NRIP3: variants seen among roughly 807,000 people sequenced by gnomAD.
NRIP3 encodes nuclear receptor-interacting protein 3.
A neutral mutation model predicts 29.0 loss-of-function variants in NRIP3; 31 were observed. That is an observed-to-expected ratio of 1.07 (90% confidence interval 0.80 to 1.44). The LOEUF is 1.44. Among genes scored for constraint, NRIP3 ranks in the 40% most tolerant of loss-of-function variants. NRIP3 has a pLI of 0.00. For missense variants in NRIP3, 314 were observed against 297.9 expected (o/e 1.05, Z -0.40); for synonymous variants, 131 against 118.3 (o/e 1.11, Z -0.70).
At chr11:8,993,483 G>A (rs1854645044) in intron 1 of NRIP3, among the ~76,000 whole-genome samples, 2 of 152,036 alleles carry the variant, frequency 1.3e-5, no homozygotes, top group African/African-American at 2.4e-5. Flanking sequence ...ATGATGGGAA[G>A]GTGTAAGAGA....
chr11:9,003,642 G>A (rs1283520219), intron 1 of NRIP3, 120 bp downstream of exon 1: 3 of 1,030,196 alleles, frequency 2.9e-6, no homozygotes, highest in Non-Finnish European at 3.9e-6. Flanking sequence ...CGCAGCGACC[G>A]CGAGCCAAGG....
intron 4 of NRIP3, among the ~76,000 whole-genome samples, chr11:8,985,164 ATTTTT>A (rs35528175): frequency 2.5e-5 from 2 of 79,380 alleles, no homozygotes; most frequent in African/African-American, 5.0e-5. Context: ...TGCTCCTTGA[ATTTTT>A]TTTTTTTTTT....
chr11:9,004,044 C>A (rs1455707560), upstream of NRIP3: 1 of 1,138,174 alleles, frequency 8.8e-7, no homozygotes, highest in African/African-American at 1.6e-5. Context: ...CCGAGCGTGA[C>A]GTCGCGGGGA....
chr11:8,998,211 G>A (rs757590775), intron 1 of NRIP3, among the ~76,000 whole-genome samples: 40 of 152,074 alleles, frequency 2.6e-4, no homozygotes, highest in Non-Finnish European at 4.3e-4. Context: ...TATATAACAC[G>A]TGACCCATTC....
rs5789590 is a variant in NRIP3, at chr11:8,992,911, C to CAAA, written c.175-4632_175-4630dup. On this transcript the variant is annotated intron_variant, in intron 1 of 6. Coordinates refer to ENST00000309166, the MANE Select transcript of NRIP3 (RefSeq NM_020645.3). ...TGGGTGACACAGCGAGACTCCGTCT[C>CAAA]AAAAAAAAAAAAAATTTGATAGTAC... is the stretch of plus-strand genomic sequence containing the variant. Among the ~76,000 whole-genome samples the CAAA allele has an allele frequency of 3.3e-3, 451 of 138,292 alleles. 1 individual carries two copies. The highest frequency in any genetic ancestry group is 0.011 in the African/African-American group (427 of 37,814). The allele number at this position is 138,292 out of a possible 152,430, so 90.7% of individuals were successfully genotyped here. A position where few individuals can be genotyped will look rare whatever the true frequency, so the allele number is the denominator to read the frequency against.
intron 2 of NRIP3, 46 bp from the exon 3 acceptor site, chr11:8,987,676 A>C: frequency 6.9e-7 from 1 of 1,442,318 alleles, no homozygotes; most frequent in East Asian, 2.3e-5. Context: ...GAGAAGCGAA[A>C]GGGAAAGGAG....
rs953459749 is a variant in NRIP3 at position 9,003,955 on chromosome 11, C to G, written c.-20G>C. ...AAACATCGCTGAGGCGCCGGCGGCCCGGTAGCCCACAGCCCCCCGGCAGCC... is the reference window on the plus strand; with the variant it reads ...AAACATCGCTGAGGCGCCGGCGGCCGGGTAGCCCACAGCCCCCCGGCAGCC... On this transcript the variant is annotated 5_prime_UTR_variant, in exon 1 of 7. Coordinates refer to ENST00000309166, the MANE Select transcript of NRIP3 (RefSeq NM_020645.3). The G allele has an allele frequency of 3.0e-5, 45 of 1,477,636 alleles. No homozygotes were observed. The highest frequency in any genetic ancestry group is 1.9e-4 in the South Asian group (15 of 78,098). The allele number at this position is 1,477,636 out of a possible 1,614,324, so 91.5% of individuals were successfully genotyped here.
At chr11:8,998,643 T>TG (rs1854747775) in intron 1 of NRIP3, among the ~76,000 whole-genome samples, 1 of 152,180 alleles carries the variant, frequency 6.6e-6, no homozygotes, top group Non-Finnish European at 1.5e-5. Flanking sequence ...TGGACTCCTC[T>TG]GGCACATCTG....
intron 1 of NRIP3, among the ~76,000 whole-genome samples, chr11:8,989,198 C>A (rs1176142739): frequency 6.6e-6 from 1 of 152,192 alleles, no homozygotes; most frequent in Non-Finnish European, 1.5e-5. Flanking sequence ...AATCATGCTC[C>A]ACTGTTTCTA....
chr11:8,985,584 G>T, intron 4 of NRIP3, 127 bp downstream of exon 4: 1 of 1,219,812 alleles, frequency 8.2e-7, no homozygotes, highest in Non-Finnish European at 1.1e-6. Context: ...AAGGTCTACA[G>T]TACAAAAAAA....
At chr11:8,991,030 G>A (rs146256283) in intron 1 of NRIP3, among the ~76,000 whole-genome samples, 3,369 of 152,108 alleles carry the variant, frequency 0.022, 128 homozygotes, top group African/African-American at 0.078. Context: ...GTCCAGGTGC[G>A]GTGGCTCACA....
intron 1 of NRIP3, among the ~76,000 whole-genome samples, chr11:8,989,431 CTT>C (rs553217872): frequency 2.1e-4 from 32 of 152,312 alleles, no homozygotes; most frequent in African/African-American, 6.7e-4. Context: ...GGAAGTCACT[CTT>C]AGAAGCCCAG....
At chr11:8,997,355 C>CA (rs11324721) in intron 1 of NRIP3, among the ~76,000 whole-genome samples, 23,170 of 100,576 alleles carry the variant, frequency 0.23, 2,900 homozygotes, top group East Asian at 0.37. Flanking sequence ...GACTCCGTCT[C>CA]AAAAAAAAAA....
chr11:8,984,954 C>T (rs1854487711), intron 4 of NRIP3, among the ~76,000 whole-genome samples: 1 of 151,522 alleles, frequency 6.6e-6, no homozygotes, highest in African/African-American at 2.4e-5. Context: ...CGGGTCCAAG[C>T]GATTCTCCTA....
In NRIP3 at chr11:9,001,095, T is replaced by TCA. The variant is rs554872845; in HGVS notation, c.174+2665_174+2666dup. Among the ~76,000 whole-genome samples, 316 of 152,198 alleles carry TCA rather than the reference T, an allele frequency of 2.1e-3. 3 individuals carry two copies. The highest frequency in any genetic ancestry group is 7.2e-3 in the African/African-American group (297 of 41,520). ...AAAAAAAAATCAAATATAATATTAC[T>TCA]CACTCATATCTCTGGTTTTAGTTCT... On this transcript the variant is annotated intron_variant, in intron 1 of 6. Transcript: ENST00000309166.
At chr11:8,995,015 A>T (rs1242336832) in intron 1 of NRIP3, among the ~76,000 whole-genome samples, 1 of 151,168 alleles carries the variant, frequency 6.6e-6, no homozygotes, top group Admixed American at 6.6e-5. Context: ...TATCCCACTG[A>T]TATTTTCTAT....
At chr11:8,984,251 ATTTTT>A (rs1239093121) in intron 4 of NRIP3, 127 bp from the exon 5 acceptor site, 6 of 358,372 alleles carry the variant, frequency 1.7e-5, no homozygotes, top group Middle Eastern at 1.8e-3. Context: ...AGCATGTGTT[ATTTTT>A]TTTTTATTTT....
intron 1 of NRIP3, among the ~76,000 whole-genome samples, chr11:9,000,007 C>T (rs1488370189): frequency 6.6e-6 from 1 of 152,118 alleles, no homozygotes; most frequent in Admixed American, 6.5e-5. Flanking sequence ...ATGAAAGTTC[C>T]GTCAAGGCAG....
chr11:8,998,201 T>A lies in NRIP3; in HGVS notation c.174+5561A>T, dbSNP rs1854740553. Among the ~76,000 whole-genome samples, 4 of 152,160 alleles carry A rather than the reference T, an allele frequency of 2.6e-5. No individual in the cohort carries two copies. In the South Asian group the frequency reaches 8.3e-4, roughly 32 times the overall value. ...GCCTTCTCTTTGCTTACTAGCTGAG[T>A]ATATAACACGTGACCCATTCTACCC... is the stretch of plus-strand genomic sequence containing the variant. On this transcript the variant is annotated intron_variant, in intron 1 of 6. Transcript: ENST00000309166.
Sources: gnomAD v4.1 joint callset for allele counts (sites outside exome capture counted in the v4.1 genomes callset) on GRCh38, gnomAD v4.1.1 for gene constraint, MANE v1.5 for transcripts, NCBI Gene and HGNC (gene_info 2026-07-23, HGNC 2026-07-21) for gene names.